RPS6KC1: variants seen among roughly 807,000 people sequenced by gnomAD.
The protein encoded by RPS6KC1 is inactive ribosomal protein S6 kinase delta-1.
Under a neutral mutation model 103.8 loss-of-function variants are expected in RPS6KC1, and 54 were observed. That is an observed-to-expected ratio of 0.52 (90% CI 0.42 to 0.65). The LOEUF (loss-of-function observed/expected upper bound fraction) is 0.65, where lower values mean the gene tolerates loss of function less well. Ranked by LOEUF, RPS6KC1 falls within the 30% of genes least tolerant of loss-of-function variation. The pLI is 0.00. For synonymous variants in RPS6KC1, 439 were observed against 438.7 expected (o/e 1.00, Z -0.01); for missense variants, 1,151 against 1,253.8 (o/e 0.92, Z 1.24).
the RPS6KC1 span, among the ~76,000 whole-genome samples, chr1:213,773,396 A>ATATATATCTATAGATATATC: frequency 5.3e-5 from 8 of 150,602 alleles, no homozygotes; most frequent in East Asian, 1.9e-4. Context: ...GAATGGTTAG[A>ATATATATCTATAGATATATC]TATATATCTA....
chr1:213,175,818 G>T (rs2091829477), intron 7 of RPS6KC1, among the ~76,000 whole-genome samples: 1 of 152,074 alleles, frequency 6.6e-6, no homozygotes, highest in South Asian at 2.1e-4. Context: ...GTTATATGAT[G>T]AAGCTTCTTA....
At chr1:213,627,117 G>T in the RPS6KC1 span, among the ~76,000 whole-genome samples, 18 of 152,232 alleles carry the variant, frequency 1.2e-4, no homozygotes, top group African/African-American at 4.1e-4. Context: ...AATGGTTTGT[G>T]GTTCTCCTTG....
chr1:213,720,307 A>G, the RPS6KC1 span, among the ~76,000 whole-genome samples: 1 of 152,222 alleles, frequency 6.6e-6, no homozygotes, highest in Non-Finnish European at 1.5e-5. Flanking sequence ...ATTAGAATTG[A>G]CGCACTCAAC....
chr1:213,664,211 G>A, the RPS6KC1 span, among the ~76,000 whole-genome samples: 1 of 148,860 alleles, frequency 6.7e-6, no homozygotes, highest in Admixed American at 6.7e-5. Flanking sequence ...GGGGTGGGGA[G>A]GGGAGCGCTC....
chr1:213,228,755 AAAAT>A (rs2094018430), intron 8 of RPS6KC1, among the ~76,000 whole-genome samples: 1 of 152,106 alleles, frequency 6.6e-6, no homozygotes, highest in South Asian at 2.1e-4. Flanking sequence ...AAAATAAAAT[AAAAT>A]AAATCATTGG....
the RPS6KC1 span, among the ~76,000 whole-genome samples, chr1:213,349,793 G>C: frequency 6.6e-6 from 1 of 152,182 alleles, no homozygotes; most frequent in Non-Finnish European, 1.5e-5. Flanking sequence ...ATTAGGATGT[G>C]CTGTACTGCT....
At chr1:213,160,844 T>A (rs918140913) in intron 6 of RPS6KC1, among the ~76,000 whole-genome samples, 2 of 140,302 alleles carry the variant, frequency 1.4e-5, no homozygotes, top group African/African-American at 5.4e-5. Context: ...CACTGGGGCC[T>A]GTCATGGGGT....
chr1:213,127,532 G>C (rs370238564), intron 5 of RPS6KC1, among the ~76,000 whole-genome samples: 1 of 152,144 alleles, frequency 6.6e-6, no homozygotes, highest in African/African-American at 2.4e-5. Context: ...TGAACTAGCT[G>C]CTTTTTTCAT....
intron 8 of RPS6KC1, among the ~76,000 whole-genome samples, chr1:213,182,188 A>G (rs1229434733): frequency 2.0e-5 from 3 of 152,190 alleles, no homozygotes; most frequent in African/African-American, 7.2e-5. Context: ...TTTTTAAAGT[A>G]TACACTAAAA....
the RPS6KC1 span, among the ~76,000 whole-genome samples, chr1:213,352,896 T>A: frequency 5.3e-4 from 80 of 152,346 alleles, no homozygotes; most frequent in African/African-American, 1.9e-3. Context: ...AGATATGTAC[T>A]GTTAGGAACT....
intron 8 of RPS6KC1, among the ~76,000 whole-genome samples, chr1:213,218,674 T>G (rs1014522414): frequency 3.0e-4 from 45 of 152,174 alleles, no homozygotes; most frequent in African/African-American, 1.1e-3. Context: ...AAAACAGAGA[T>G]ATAGACCAAT....
At chr1:213,326,103 C>T in the RPS6KC1 span, among the ~76,000 whole-genome samples, 1 of 151,382 alleles carries the variant, frequency 6.6e-6, no homozygotes. Context: ...AAAGAGAGAG[C>T]GGGAGGCAGA....
chr1:213,309,511 C>T, the RPS6KC1 span, among the ~76,000 whole-genome samples: 2 of 152,102 alleles, frequency 1.3e-5, no homozygotes, highest in Non-Finnish European at 2.9e-5. Context: ...CTTTGGACAT[C>T]GTTAGTCCAG....
chr1:213,599,293 C>T, the RPS6KC1 span, among the ~76,000 whole-genome samples: 3 of 152,030 alleles, frequency 2.0e-5, no homozygotes, highest in Admixed American at 6.6e-5. Flanking sequence ...GTAAAGACAG[C>T]CTGTTGAGGG....
the RPS6KC1 span, among the ~76,000 whole-genome samples, chr1:213,694,338 T>G: frequency 6.6e-6 from 1 of 152,212 alleles, no homozygotes; most frequent in Non-Finnish European, 1.5e-5. Context: ...TTCCTCTCTC[T>G]ATTTTCAGAG....
chr1:213,577,730 T>G, the RPS6KC1 span, among the ~76,000 whole-genome samples: 1 of 152,206 alleles, frequency 6.6e-6, no homozygotes, highest in Non-Finnish European at 1.5e-5. Context: ...AATTTCTAAG[T>G]AGCAAAGCAT....
chr1:213,563,396 A>T, the RPS6KC1 span, among the ~76,000 whole-genome samples: 1 of 152,140 alleles, frequency 6.6e-6, no homozygotes, highest in Non-Finnish European at 1.5e-5. Context: ...TTAAAAAGCA[A>T]TAAGAAAATC....
chr1:213,539,209 G>T, the RPS6KC1 span, among the ~76,000 whole-genome samples: 1 of 152,328 alleles, frequency 6.6e-6, no homozygotes, highest in East Asian at 1.9e-4. Context: ...GCTTCCTGGA[G>T]ATGGGCTACC....
intron 12 of RPS6KC1, among the ~76,000 whole-genome samples, chr1:213,254,311 G>T (rs1199390481): frequency 6.6e-6 from 1 of 152,114 alleles, no homozygotes; most frequent in Non-Finnish European, 1.5e-5. Context: ...AATTTAATCA[G>T]GAGCTGATTC....
Sources: allele counts gnomAD v4.1 joint callset (sites outside exome capture counted in the v4.1 genomes callset), GRCh38; gene constraint gnomAD v4.1.1; transcripts MANE v1.5; gene names NCBI Gene and HGNC (gene_info 2026-07-23, HGNC 2026-07-21).